TBL1X: variants seen among roughly 807,000 people sequenced by gnomAD.
TBL1X encodes F-box-like/WD repeat-containing protein TBL1X.
In TBL1X, 10 loss-of-function variants were observed where a neutral mutation model predicts 50.7. That is an observed-to-expected ratio of 0.20 (90% CI 0.12 to 0.33). TBL1X has a LOEUF of 0.33. TBL1X is among the 10% of genes least tolerant of loss of function. The pLI, the probability that TBL1X is intolerant of heterozygous loss-of-function variation, is 1.00. For missense variants in TBL1X, 340 were observed against 504.4 expected (o/e 0.67, Z 3.12); for synonymous variants, 190 against 214.7 (o/e 0.88, Z 1.01).
At position 9,531,895 on chromosome X, in the gene TBL1X, G is replaced by A. The variant is rs748469746; in HGVS notation, c.-131+30046G>A. Among the ~76,000 whole-genome samples, 392 of 110,531 alleles carry A rather than the reference G, an allele frequency of 3.5e-3. 1 individual carries two copies. The highest frequency in any genetic ancestry group is 0.013 in the African/African-American group (380 of 30,367). On this transcript the variant is annotated intron_variant, in intron 2 of 17. Coordinates refer to ENST00000645353, the MANE Select transcript of TBL1X (RefSeq NM_005647.4). Reference sequence around the variant, plus strand: ...TTATGGGCGCGCACCACTACCACCCGGCTAATTTTTGTATTTTTAGTAGAG... The same window carrying A: ...TTATGGGCGCGCACCACTACCACCCAGCTAATTTTTGTATTTTTAGTAGAG...
rs191058836 is a variant in TBL1X at position 9,699,430 on chromosome X, G to A, written c.1114+2001G>A. On this transcript the variant is annotated intron_variant, in intron 12 of 17. Transcript: ENST00000645353. ...TCCCTTAAGGGCAAATGTCTGATCC[G>A]TCTTGAAGGAATCCCTAAATATGTG... Among the ~76,000 whole-genome samples, 214 of 112,005 alleles carry A rather than the reference G, an allele frequency of 1.9e-3. 1 individual carries two copies. Among genetic ancestry groups the A allele is most frequent in the Non-Finnish European group, 3.4e-3 (181 of 53,154 alleles).
intron 2 of TBL1X, among the ~76,000 whole-genome samples, chrX:9,542,442 G>A (rs1166142270): frequency 8.9e-6 from 1 of 111,736 alleles, no homozygotes; most frequent in Admixed American, 9.5e-5. Context: ...ACAGCATTCC[G>A]GTAGCTCCCA....
chrX:9,581,336 A>G lies in TBL1X; in HGVS notation c.-130-58937A>G, dbSNP rs1444007046. Among the ~76,000 whole-genome samples the G allele has an allele frequency of 1.1e-4, 12 of 111,630 alleles. No homozygotes were observed. In the East Asian group the frequency reaches 3.4e-3, roughly 31 times the overall value. On this transcript the variant is annotated intron_variant, in intron 2 of 17. Coordinates refer to ENST00000645353, the MANE Select transcript of TBL1X (RefSeq NM_005647.4). ...CTCTTTGTGGATGGTTTGTTTTACC[A>G]TTTGTTGTCCATCAGCTTGAATGGT...
intron 3 of TBL1X, among the ~76,000 whole-genome samples, chrX:9,652,908 C>T (rs1341526568): frequency 1.8e-5 from 2 of 110,957 alleles, no homozygotes; most frequent in African/African-American, 6.5e-5. Context: ...GGCTCACGCC[C>T]GTAATCCCAG....
intron 1 of TBL1X, among the ~76,000 whole-genome samples, chrX:9,498,034 C>G (rs73186377): frequency 0.1 from 10,878 of 108,743 alleles, 490 homozygotes; most frequent in South Asian, 0.2. Flanking sequence ...CTATGCCAGG[C>G]CTATTTTCCC....
intron 4 of TBL1X, 61 bp downstream of exon 4, chrX:9,653,750 CCGCG>C: frequency 1.9e-6 from 2 of 1,025,786 alleles, no homozygotes; most frequent in South Asian, 4.2e-5. Context: ...GTTGACATGG[CCGCG>C]GGTGTACTCG....
intron 2 of TBL1X, among the ~76,000 whole-genome samples, chrX:9,508,427 T>C (rs2082037036): frequency 8.9e-6 from 1 of 111,850 alleles, no homozygotes; most frequent in African/African-American, 3.3e-5. Flanking sequence ...TATTGAAAGG[T>C]CAGAAAACAA....
intron 2 of TBL1X, among the ~76,000 whole-genome samples, chrX:9,515,920 G>C (rs2082079036): frequency 9.0e-6 from 1 of 111,611 alleles, no homozygotes. Flanking sequence ...AAATTGTGCT[G>C]ATGGTGGCTG....
At chrX:9,466,178 G>T (rs1423055756) in intron 1 of TBL1X, among the ~76,000 whole-genome samples, 2 of 111,841 alleles carry the variant, frequency 1.8e-5, no homozygotes, top group African/African-American at 6.5e-5. Flanking sequence ...CTGACGGGGC[G>T]GGTGGGGTGG....
In TBL1X at chrX:9,491,336, A is replaced by AT. The variant is rs1256522168; in HGVS notation, c.-200-10443dup. ...TATATATATATATATATATATATATATATTTTTTTTTTTTTTTTCTTTGAG... is the reference window on the plus strand; with the variant it reads ...TATATATATATATATATATATATATATTATTTTTTTTTTTTTTTTCTTTGAG... On this transcript the variant is annotated intron_variant, in intron 1 of 17. Transcript: ENST00000645353. 4.9e-3 allele frequency among the ~76,000 whole-genome samples: 125 copies of AT among 25,280 alleles called. 1 individual carries two copies. Among genetic ancestry groups the AT allele is most frequent in the African/African-American group, 6.5e-3 (47 of 7,247 alleles). The allele number at this position is 25,280 out of a possible 115,157, so 22.0% of individuals were successfully genotyped here.
chrX:9,656,399 C>A (rs1213078051), intron 5 of TBL1X, among the ~76,000 whole-genome samples: 1 of 112,926 alleles, frequency 8.9e-6, no homozygotes, highest in Non-Finnish European at 1.9e-5. Flanking sequence ...GCTCCGGTAA[C>A]CTGGAGACAG....
At chrX:9,497,725 T>TC (rs1305356556) in intron 1 of TBL1X, among the ~76,000 whole-genome samples, 1 of 106,652 alleles carries the variant, frequency 9.4e-6, no homozygotes, top group Non-Finnish European at 1.9e-5. Context: ...GTCCAGGAGA[T>TC]CGAGATTAGC....
At chrX:9,714,258 G>A (rs972440947) in intron 16 of TBL1X, among the ~76,000 whole-genome samples, 4 of 112,217 alleles carry the variant, frequency 3.6e-5, no homozygotes, top group Non-Finnish European at 5.6e-5. Flanking sequence ...CCAAAAATAC[G>A]TACATTTTAA....
intron 2 of TBL1X, among the ~76,000 whole-genome samples, chrX:9,528,219 C>T (rs2082142189): frequency 1.8e-5 from 2 of 111,867 alleles, no homozygotes; most frequent in Non-Finnish European, 3.8e-5. Flanking sequence ...TCTGAGGTGC[C>T]TCATGTCAGT....
chrX:9,465,654 T>C (rs947917984), intron 1 of TBL1X, among the ~76,000 whole-genome samples: 3 of 112,206 alleles, frequency 2.7e-5, no homozygotes, highest in Non-Finnish European at 5.7e-5. Context: ...GCCTGAACAA[T>C]ACCCCGAGGT....
At chrX:9,509,241 A>T (rs1477437634) in intron 2 of TBL1X, among the ~76,000 whole-genome samples, 1 of 106,108 alleles carries the variant, frequency 9.4e-6, no homozygotes, top group African/African-American at 3.4e-5. Context: ...AATACAAAAA[A>T]TTAGCCGGGC....
intron 2 of TBL1X, among the ~76,000 whole-genome samples, chrX:9,593,890 A>G (rs1282417259): frequency 9.1e-6 from 1 of 110,229 alleles, no homozygotes; most frequent in African/African-American, 3.3e-5. Flanking sequence ...GATCCTGGTC[A>G]CCCCCTCCAC....
intron 3 of TBL1X, among the ~76,000 whole-genome samples, chrX:9,643,325 T>G (rs897963472): frequency 9.0e-6 from 1 of 111,258 alleles, no homozygotes; most frequent in African/African-American, 3.3e-5. Context: ...GTGAGGAGAT[T>G]GAGGAGTCCT....
chrX:9,688,487 C>A (rs2146634307), intron 7 of TBL1X, among the ~76,000 whole-genome samples: 1 of 112,592 alleles, frequency 8.9e-6, no homozygotes. Flanking sequence ...TCATCTTCAA[C>A]TTTAGGAAAT....
Sources: allele counts gnomAD v4.1 joint callset (sites outside exome capture counted in the v4.1 genomes callset), GRCh38; gene constraint gnomAD v4.1.1; transcripts MANE v1.5; gene names NCBI Gene and HGNC (gene_info 2026-07-23, HGNC 2026-07-21).